Variants in CNTNAP2 observed in about 807,000 individuals in gnomAD.
CNTNAP2 encodes contactin-associated protein-like 2.
A neutral mutation model predicts 155.2 loss-of-function variants in CNTNAP2; 98 were observed. The ratio of observed to expected loss-of-function variants is 0.63; its 90% CI spans 0.54 to 0.75. CNTNAP2 has a LOEUF of 0.75. CNTNAP2 is among the 30% of genes least tolerant of loss of function. CNTNAP2 has a pLI of 0.00. For synonymous variants in CNTNAP2, 651 were observed against 631.2 expected, an observed-to-expected ratio of 1.03 and a Z score of -0.47; for missense variants, 1,727 against 1,688.1, an observed-to-expected ratio of 1.02 and a Z score of -0.40.
At chr7:147,643,241 C>T (rs1046768339) in intron 13 of CNTNAP2, 42 of 152,204 alleles carry the variant, frequency 2.8e-4, no homozygotes, top group Middle Eastern at 6.8e-3. Flanking sequence ...AATAAAATGG[C>T]ATACATAGTT....
At chr7:147,792,192 A>G (rs1167727648) in intron 13 of CNTNAP2, among the ~76,000 whole-genome samples, 2 of 152,208 alleles carry the variant, frequency 1.3e-5, no homozygotes, top group Non-Finnish European at 2.9e-5. Context: ...TTTTAATAAC[A>G]ACTTTATGAA....
chr7:147,242,136 A>C (rs1004010573), intron 8 of CNTNAP2, among the ~76,000 whole-genome samples: 2 of 152,078 alleles, frequency 1.3e-5, no homozygotes, highest in African/African-American at 4.8e-5. Flanking sequence ...AATCGACTTT[A>C]TCATTGTTTC....
intron 3 of CNTNAP2, among the ~76,000 whole-genome samples, chr7:147,019,185 T>A (rs946254717): frequency 6.6e-6 from 1 of 152,062 alleles, no homozygotes; most frequent in African/African-American, 2.4e-5. Flanking sequence ...AAAAAATATA[T>A]CACTAAGGAA....
chr7:146,200,824 A>G (rs1798849480), intron 1 of CNTNAP2, among the ~76,000 whole-genome samples: 1 of 152,180 alleles, frequency 6.6e-6, no homozygotes, highest in Non-Finnish European at 1.5e-5. Flanking sequence ...TCTGTATTCC[A>G]TCTTCTAACC....
At chr7:147,928,339 G>A (rs1305057387) in intron 14 of CNTNAP2, among the ~76,000 whole-genome samples, 9 of 152,278 alleles carry the variant, frequency 5.9e-5, no homozygotes, top group South Asian at 4.1e-4. Flanking sequence ...ACAGCAGGGC[G>A]AGGATGAGAA....
intron 1 of CNTNAP2, among the ~76,000 whole-genome samples, chr7:146,491,052 A>G (rs1412605188): frequency 6.6e-6 from 1 of 152,148 alleles, no homozygotes; most frequent in East Asian, 1.9e-4. Flanking sequence ...TCTAGAGTGC[A>G]TATTATATGA....
intron 13 of CNTNAP2, among the ~76,000 whole-genome samples, chr7:147,868,073 C>T (rs369572493): frequency 6.9e-6 from 1 of 145,404 alleles, no homozygotes. Flanking sequence ...GGTTTCTCCC[C>T]ATCTTTGTGG....
intron 13 of CNTNAP2, among the ~76,000 whole-genome samples, chr7:147,754,140 C>T (rs1320703213): frequency 6.6e-6 from 1 of 152,074 alleles, no homozygotes; most frequent in Non-Finnish European, 1.5e-5. Context: ...CAGGATGAGA[C>T]AAATTGAAAA....
intron 8 of CNTNAP2, among the ~76,000 whole-genome samples, chr7:147,152,314 G>T (rs1801843142): frequency 6.6e-6 from 1 of 151,834 alleles, no homozygotes; most frequent in Non-Finnish European, 1.5e-5. Flanking sequence ...AGTAGGTTGT[G>T]GTGGTTAATT....
intron 8 of CNTNAP2, among the ~76,000 whole-genome samples, chr7:147,272,092 C>T (rs1425824866): frequency 6.6e-6 from 1 of 152,082 alleles, no homozygotes; most frequent in Non-Finnish European, 1.5e-5. Flanking sequence ...GGGGTCTCAC[C>T]ATGTTGGCCA....
At chr7:147,927,979 G>A (rs1800427730) in intron 14 of CNTNAP2, among the ~76,000 whole-genome samples, 1 of 152,212 alleles carries the variant, frequency 6.6e-6, no homozygotes, top group Non-Finnish European at 1.5e-5. Context: ...ATTCCCACAT[G>A]TGGTGGGAGG....
intron 12 of CNTNAP2, among the ~76,000 whole-genome samples, chr7:147,635,465 C>T (rs934386440): frequency 2.0e-5 from 3 of 151,966 alleles, no homozygotes; most frequent in Non-Finnish European, 2.9e-5. Context: ...ACTGTGGTTT[C>T]CTTAGATACA....
chr7:148,073,355 C>T (rs1475207987), intron 15 of CNTNAP2, among the ~76,000 whole-genome samples: 1 of 152,130 alleles, frequency 6.6e-6, no homozygotes, highest in East Asian at 1.9e-4. Flanking sequence ...CAGAGATCAA[C>T]CAAAGTCTAA....
At chr7:146,721,720 T>G (rs1194723987) in intron 1 of CNTNAP2, among the ~76,000 whole-genome samples, 1 of 124,196 alleles carries the variant, frequency 8.1e-6, no homozygotes, top group Non-Finnish European at 1.6e-5. Context: ...TCTATATATA[T>G]TCTAAATACA....
At chr7:147,198,998 G>C (rs1043937812) in intron 8 of CNTNAP2, among the ~76,000 whole-genome samples, 6 of 120,592 alleles carry the variant, frequency 5.0e-5, no homozygotes, top group Admixed American at 4.5e-4. Flanking sequence ...ATGATGCTCT[G>C]TCACCCAGGC....
chr7:147,343,192 G>A (rs1463849053), intron 9 of CNTNAP2, among the ~76,000 whole-genome samples: 14 of 152,028 alleles, frequency 9.2e-5, no homozygotes, highest in Admixed American at 6.6e-4. Context: ...GAAGCAGATC[G>A]CTTTCTTTGC....
At chr7:148,396,155 C>A (rs1799463848) in intron 22 of CNTNAP2, among the ~76,000 whole-genome samples, 1 of 152,160 alleles carries the variant, frequency 6.6e-6, no homozygotes, top group Non-Finnish European at 1.5e-5. Context: ...ATGGTGACTT[C>A]TCTGTTGATG....
intron 15 of CNTNAP2, among the ~76,000 whole-genome samples, chr7:148,102,152 C>A (rs946496072): frequency 6.6e-6 from 1 of 152,038 alleles, no homozygotes; most frequent in Non-Finnish European, 1.5e-5. Flanking sequence ...TCAAGTAGGC[C>A]CCTGGGTCTG....
At chr7:146,664,132 C>G (rs1159551299) in intron 1 of CNTNAP2, among the ~76,000 whole-genome samples, 2 of 122,744 alleles carry the variant, frequency 1.6e-5, no homozygotes, top group African/African-American at 6.3e-5. Context: ...ACTTTCTCTT[C>G]TTAGTTTGTT....
Sources: gnomAD v4.1 joint callset for allele counts (sites outside exome capture counted in the v4.1 genomes callset) on GRCh38, gnomAD v4.1.1 for gene constraint, MANE v1.5 for transcripts, NCBI Gene and HGNC (gene_info 2026-07-23, HGNC 2026-07-21) for gene names.